Variants in SFMBT1 observed in about 807,000 individuals in gnomAD.
The protein encoded by SFMBT1 is Scm like with four mbt domains 1.
SFMBT1 carries 32 observed loss-of-function variants against 108.7 expected under a neutral mutation model. The observed-to-expected ratio is 0.29, with a 90% confidence interval of 0.22 to 0.40. The LOEUF is 0.40. SFMBT1 is among the 10% of genes least tolerant of loss of function. The pLI is 1.00. For synonymous variants in SFMBT1, 348 were observed against 369.5 expected (o/e 0.94, Z 0.67); for missense variants, 816 against 1,059.6 (o/e 0.77, Z 3.19).
chr3:52,979,057 A>T (rs1370513324), intron 1 of SFMBT1, among the ~76,000 whole-genome samples: 4 of 152,160 alleles, frequency 2.6e-5, no homozygotes, highest in African/African-American at 9.7e-5. Context: ...TTCTGTGAAT[A>T]AAAAAACTGT....
At chr3:52,953,457 C>A (rs1189800186) in intron 3 of SFMBT1, among the ~76,000 whole-genome samples, 1 of 139,446 alleles carries the variant, frequency 7.2e-6, no homozygotes, top group Admixed American at 7.1e-5. Flanking sequence ...AAAAAAAAAA[C>A]CTAGGTCTAG....
At chr3:52,993,263 A>C (rs1698185726) in intron 1 of SFMBT1, among the ~76,000 whole-genome samples, 1 of 150,138 alleles carries the variant, frequency 6.7e-6, no homozygotes, top group African/African-American at 2.4e-5. Context: ...GGACATGTTT[A>C]GTTACATGTT....
In SFMBT1 at chr3:53,042,074, A is replaced by G. The variant is rs561890991; in HGVS notation, c.-131+3742T>C. 4.6e-5 allele frequency among the ~76,000 whole-genome samples: 7 copies of G among 152,370 alleles called. No individual in the cohort carries two copies. In the East Asian group the frequency reaches 9.6e-4, roughly 21 times the overall value. On this transcript the variant is annotated intron_variant, in intron 1 of 20. Transcript: ENST00000394752. ...AAAATTATAAGAGAAAAAATGTAAC[A>G]TTAAAAATATTAAAGATGTAAAATG... is the stretch of plus-strand genomic sequence containing the variant.
At chr3:52,974,920 T>C (rs949885591) in intron 1 of SFMBT1, among the ~76,000 whole-genome samples, 2 of 150,204 alleles carry the variant, frequency 1.3e-5, no homozygotes, top group African/African-American at 2.5e-5. Context: ...AGTGGGAGAA[T>C]TGCTTGAACC....
chr3:52,968,844 C>T (rs563655989), intron 2 of SFMBT1, among the ~76,000 whole-genome samples: 7 of 152,224 alleles, frequency 4.6e-5, no homozygotes, highest in African/African-American at 1.7e-4. Flanking sequence ...CTGCCCACCT[C>T]GGCCTCCCAA....
chr3:53,028,143 T>TGC (rs1307701097), intron 1 of SFMBT1, among the ~76,000 whole-genome samples: 4 of 152,130 alleles, frequency 2.6e-5, no homozygotes, highest in Non-Finnish European at 5.9e-5. Context: ...CAGGGTGGAG[T>TGC]GCAGTGGCTC....
In SFMBT1 at chr3:52,906,280, C is replaced by G. The variant is rs777629086; in HGVS notation, c.2332-39G>C. ...AACACAATCAAACCAAATGGTGTTA[C>G]GGCTATTTTATTCTAAAAAAGTCTC... On this transcript the variant is annotated intron_variant, in intron 19 of 20. Coordinates refer to ENST00000394752, the MANE Select transcript of SFMBT1 (RefSeq NM_016329.4). 1.9e-6 allele frequency: 3 copies of G among 1,613,000 alleles called. No individual in the cohort carries two copies. The Admixed American group carries it at 5.0e-5, about 27-fold the overall frequency.
chr3:52,906,188 C>T lies in SFMBT1; in HGVS notation c.2385G>A (p.Lys795=). The T allele has an allele frequency of 1.9e-6, 3 of 1,614,180 alleles. No individual in the cohort carries two copies. The highest frequency in any genetic ancestry group is 2.5e-6 in the Non-Finnish European group (3 of 1,179,992). ...ACCGCACAACGTCTGCCACACTCCA[C>T]TTCAAGGGGTTACTGTCCAGGTGAA... ...ERLHLDSNPL[K]WSVADVVRFI... The change falls in exon 20 of 21, where the codon AAG becomes AAA. Residue 795 remains lysine, a synonymous_variant. Transcript: ENST00000394752.
chr3:53,043,499 T>C (rs1383360962), intron 1 of SFMBT1, among the ~76,000 whole-genome samples: 2 of 152,232 alleles, frequency 1.3e-5, no homozygotes, highest in Non-Finnish European at 2.9e-5. Flanking sequence ...TTCAATTTTC[T>C]CAGCAAATTC....
At chr3:53,024,781 C>T (rs889126242) in intron 1 of SFMBT1, among the ~76,000 whole-genome samples, 3 of 152,188 alleles carry the variant, frequency 2.0e-5, no homozygotes, top group Non-Finnish European at 4.4e-5. Context: ...AATCATACAA[C>T]AGAAACTTCG....
intron 1 of SFMBT1, among the ~76,000 whole-genome samples, chr3:52,973,160 T>G (rs905348329): frequency 6.6e-6 from 1 of 152,238 alleles, no homozygotes; most frequent in East Asian, 1.9e-4. Context: ...GAGGTTACCA[T>G]GAGCAATGAT....
At chr3:53,001,855 G>A (rs527854454) in intron 1 of SFMBT1, among the ~76,000 whole-genome samples, 11 of 146,612 alleles carry the variant, frequency 7.5e-5, no homozygotes, top group South Asian at 4.4e-4. Context: ...GGCCCAGGAG[G>A]TCAAGGCTGC....
chr3:53,028,642 T>G (rs974254054), intron 1 of SFMBT1, among the ~76,000 whole-genome samples: 1 of 151,998 alleles, frequency 6.6e-6, no homozygotes, highest in African/African-American at 2.4e-5. Flanking sequence ...TACCTGTGTA[T>G]GGTCACTGCA....
chr3:52,928,627 C>CATATATATATATATAT (rs1183172752), intron 8 of SFMBT1: 1 of 8,376 alleles, frequency 1.2e-4, no homozygotes, highest in African/African-American at 1.6e-4. Flanking sequence ...TACATATATA[C>CATATATATATATATAT]ATATATATAC....
chr3:52,942,595 G>A (rs890147590), intron 4 of SFMBT1, among the ~76,000 whole-genome samples: 2 of 152,036 alleles, frequency 1.3e-5, no homozygotes, highest in African/African-American at 4.8e-5. Context: ...TCAATGCAAC[G>A]GCCGCCTCCT....
At chr3:52,967,736 C>T (rs1220611794) in intron 2 of SFMBT1, among the ~76,000 whole-genome samples, 1 of 152,068 alleles carries the variant, frequency 6.6e-6, no homozygotes, top group East Asian at 1.9e-4. Context: ...ATATCACTGG[C>T]GGCCATGAGG....
chr3:52,996,006 G>A (rs535459794), intron 1 of SFMBT1, among the ~76,000 whole-genome samples: 1 of 148,448 alleles, frequency 6.7e-6, no homozygotes, highest in African/African-American at 2.4e-5. Flanking sequence ...GGGAGGCGGA[G>A]GTTGCAGTGA....
Position 52,909,405 on chromosome 3 carries a change from C to T in SFMBT1, c.1906+1598G>A, listed in dbSNP as rs185105624. 1.8e-4 allele frequency among the ~76,000 whole-genome samples: 28 copies of T among 152,312 alleles called. 1 individual carries two copies. Among genetic ancestry groups the T allele is most frequent in the Admixed American group, 9.8e-4 (15 of 15,298 alleles). ...ATAATTCCTACTCTTAAGGAGTTTA[C>T]AATCCAATAAATATAAATAGAAACT... is the stretch of plus-strand genomic sequence containing the variant. On this transcript the variant is annotated intron_variant, in intron 17 of 20. Transcript: ENST00000394752.
At chr3:53,012,393 A>C (rs1204869758) in intron 1 of SFMBT1, among the ~76,000 whole-genome samples, 1 of 151,188 alleles carries the variant, frequency 6.6e-6, no homozygotes, top group Non-Finnish European at 1.5e-5. Context: ...AGTGCCTTGC[A>C]GTGAGTGCTC....
Sources: gnomAD v4.1 joint callset for allele counts (sites outside exome capture counted in the v4.1 genomes callset) on GRCh38, gnomAD v4.1.1 for gene constraint, MANE v1.5 for transcripts, NCBI Gene and HGNC (gene_info 2026-07-23, HGNC 2026-07-21) for gene names.